ME2: variants seen among roughly 807,000 people sequenced by gnomAD.
ME2 encodes the protein NAD-dependent malic enzyme, mitochondrial.
Under a neutral mutation model 73.7 loss-of-function variants are expected in ME2, and 60 were observed. That is an observed-to-expected ratio of 0.81 (90% CI 0.66 to 1.01). The LOEUF (loss-of-function observed/expected upper bound fraction) is 1.01, where lower values mean the gene tolerates loss of function less well. Among genes scored for constraint, ME2 ranks in the 50% least tolerant of loss-of-function variants. The pLI is 0.00. For synonymous variants in ME2, 199 were observed against 236.9 expected, an observed-to-expected ratio of 0.84 and a Z score of 1.47; for missense variants, 594 against 705.5, an observed-to-expected ratio of 0.84 and a Z score of 1.79.
chr18:50,893,179 T>C (rs1005669198), intron 1 of ME2, among the ~76,000 whole-genome samples: 2 of 149,180 alleles, frequency 1.3e-5, no homozygotes, highest in Admixed American at 1.3e-4. Flanking sequence ...TCAATACTTA[T>C]TATAAAATAA....
rs370224149 is a variant in ME2 at position 50,920,442 on chromosome 18, T to C, written c.735-14T>C. The C allele has an allele frequency of 1.9e-6, 3 of 1,543,616 alleles. No homozygotes were observed. The South Asian group carries it at 3.5e-5, about 18-fold the overall frequency. Reference sequence around the variant, plus strand: ...TATTTTCAACACAACTATTGTGGGTTTTGCTGTTTTTAGATATGGCCGGAA... The same window carrying C: ...TATTTTCAACACAACTATTGTGGGTCTTGCTGTTTTTAGATATGGCCGGAA... On this transcript the variant is annotated splice_polypyrimidine_tract_variant and intron_variant, in intron 7 of 15. Coordinates refer to ENST00000321341, the MANE Select transcript of ME2 (RefSeq NM_002396.5).
At position 50,916,426 on chromosome 18, in the gene ME2, A is replaced by G. The variant is rs1917286182; in HGVS notation, c.468+183A>G. ...TAGTTATAAAATGGGCTACTGGTATAAAGTTTGACTCTGAGAAAGAAATTA... is the reference window on the plus strand; with the variant it reads ...TAGTTATAAAATGGGCTACTGGTATGAAGTTTGACTCTGAGAAAGAAATTA... On this transcript the variant is annotated intron_variant, in intron 5 of 15. Transcript: ENST00000321341. 6.5e-6 allele frequency: 3 copies of G among 464,452 alleles called. No homozygotes were observed. In the East Asian group the frequency reaches 1.0e-4, roughly 16 times the overall value. 28.8% of individuals were successfully genotyped at this position (464,452 alleles called of 1,614,324 possible).
intron 13 of ME2, chr18:50,934,045 T>C (rs1014270035): frequency 3.3e-5 from 5 of 152,206 alleles, no homozygotes; most frequent in African/African-American, 1.2e-4. Context: ...ACACATGGTG[T>C]ATATGTGCCA....
rs1918185515 is a variant in ME2, at chr18:50,950,000, G to A, written c.*2816G>A. The A allele has an allele frequency of 6.6e-6, 1 of 152,142 alleles. No individual in the cohort carries two copies. The highest frequency in any genetic ancestry group is 2.4e-5 in the African/African-American group (1 of 41,428). 9.4% of individuals were successfully genotyped at this position (152,142 alleles called of 1,614,324 possible). A position where few individuals can be genotyped will look rare whatever the true frequency, so the allele number is the denominator to read the frequency against. On this transcript the variant is annotated 3_prime_UTR_variant, in exon 16 of 16. Coordinates refer to ENST00000321341, the MANE Select transcript of ME2 (RefSeq NM_002396.5). ...TCGATGAGACTTTACCTAGCAAGAA[G>A]GTAATTATTTTGAATAACAGCAATA...
At chr18:50,939,853 AAC>A in intron 14 of ME2, 1 of 519,178 alleles carries the variant, frequency 1.9e-6, no homozygotes, top group South Asian at 2.4e-5. Context: ...TCGTTTTAAT[AAC>A]ACTTAGACTA....
chr18:50,888,817 T>C (rs550749458), intron 1 of ME2, among the ~76,000 whole-genome samples: 174 of 152,316 alleles, frequency 1.1e-3, no homozygotes, highest in Non-Finnish European at 2.0e-3. Flanking sequence ...TTCCTGATTC[T>C]GTCACAGAGC....
chr18:50,925,650 AT>A, intron 11 of ME2, 105 bp from the exon 12 acceptor site: 1 of 875,998 alleles, frequency 1.1e-6, no homozygotes, highest in Non-Finnish European at 1.8e-6. Flanking sequence ...GTAATGAGAT[AT>A]TACCTGTGTT....
chr18:50,900,898 T>C (rs1916873554), intron 2 of ME2, among the ~76,000 whole-genome samples: 1 of 152,216 alleles, frequency 6.6e-6, no homozygotes, highest in African/African-American at 2.4e-5. Context: ...TGTGGAACTG[T>C]GAGTCAGTTA....
chr18:50,892,780 A>G (rs1402296030), intron 1 of ME2, among the ~76,000 whole-genome samples: 1 of 152,074 alleles, frequency 6.6e-6, no homozygotes, highest in Non-Finnish European at 1.5e-5. Flanking sequence ...CTGCTTTTTT[A>G]TTCTAAGAAA....
intron 1 of ME2, among the ~76,000 whole-genome samples, chr18:50,888,391 G>A (rs1916528804): frequency 6.6e-6 from 1 of 150,898 alleles, no homozygotes; most frequent in Admixed American, 6.6e-5. Flanking sequence ...ATTTTGTCTT[G>A]AAAAATGGGA....
chr18:50,900,044 A>G (rs965132932), intron 2 of ME2, among the ~76,000 whole-genome samples: 4 of 152,156 alleles, frequency 2.6e-5, no homozygotes, highest in African/African-American at 9.7e-5. Flanking sequence ...TACTCTTGTA[A>G]AACAAGTTAG....
At chr18:50,946,817 A>G (rs1918094119) in intron 15 of ME2, among the ~76,000 whole-genome samples, 200 bp from the exon 16 acceptor site, 1 of 152,220 alleles carries the variant, frequency 6.6e-6, no homozygotes, top group Admixed American at 6.5e-5. Context: ...ACACAGTAGA[A>G]CTTAAATGTG....
At chr18:50,920,819 G>T (rs1917408865) in intron 9 of ME2, 61 bp downstream of exon 9, 2 of 1,275,838 alleles carry the variant, frequency 1.6e-6, no homozygotes, top group Non-Finnish European at 2.2e-6. Flanking sequence ...TAGAAAATGG[G>T]CAGAATATTG....
chr18:50,880,663 C>A (rs1285101101), intron 1 of ME2, among the ~76,000 whole-genome samples: 1 of 151,970 alleles, frequency 6.6e-6, no homozygotes, highest in Non-Finnish European at 1.5e-5. Context: ...AGTGATCTAC[C>A]CACCTTGACC....
chr18:50,892,755 G>C (rs1916635699), intron 1 of ME2, among the ~76,000 whole-genome samples: 1 of 151,936 alleles, frequency 6.6e-6, no homozygotes, highest in African/African-American at 2.4e-5. Context: ...CGTTGTAAAT[G>C]GGCCCAAAAT....
intron 13 of ME2, among the ~76,000 whole-genome samples, chr18:50,937,174 A>T (rs1235237980): frequency 3.3e-5 from 5 of 152,122 alleles, no homozygotes; most frequent in Admixed American, 6.5e-5. Context: ...AAAAAAAAAA[A>T]ACTAAAAGTA....
chr18:50,916,034 T>A, intron 4 of ME2, 134 bp from the exon 5 acceptor site: 1 of 618,364 alleles, frequency 1.6e-6, no homozygotes, highest in Non-Finnish European at 2.8e-6. Context: ...TAAACCAGTG[T>A]GACTTAGCTA....
chr18:50,933,940 T>G (rs1917758526), intron 13 of ME2: 1 of 152,176 alleles, frequency 6.6e-6, no homozygotes, highest in African/African-American at 2.4e-5. Flanking sequence ...CTGTGTTAGT[T>G]CACTTAGGAT....
At chr18:50,922,470 G>A (rs1917451392) in intron 10 of ME2, among the ~76,000 whole-genome samples, 1 of 152,224 alleles carries the variant, frequency 6.6e-6, no homozygotes, top group Non-Finnish European at 1.5e-5. Flanking sequence ...TTACTAGTAT[G>A]TAAGGCACAA....
Sources: allele counts gnomAD v4.1 joint callset (sites outside exome capture counted in the v4.1 genomes callset), GRCh38; gene constraint gnomAD v4.1.1; transcripts MANE v1.5; gene names NCBI Gene and HGNC (gene_info 2026-07-23, HGNC 2026-07-21).